The following SLC6A13 variants were observed in gnomAD, a reference collection of about 807,000 sequenced individuals.
SLC6A13 encodes sodium- and chloride-dependent GABA transporter 2.
A neutral mutation model predicts 72.9 loss-of-function variants in SLC6A13; 69 were observed. The observed-to-expected ratio is 0.95, with a 90% CI of 0.78 to 1.16. The LOEUF (loss-of-function observed/expected upper bound fraction) is 1.16. Ranked by LOEUF, SLC6A13 falls within the 50% of genes most tolerant of loss-of-function variation. The pLI is 0.00. For missense variants in SLC6A13, 735 were observed against 760.5 expected (o/e 0.97, Z 0.39); for synonymous variants, 303 against 303.0 (o/e 1.00, Z 0.00).
At chr12:237,046 G>C in intron 6 of SLC6A13, 112 bp downstream of exon 6, 1 of 1,177,998 alleles carries the variant, frequency 8.5e-7, no homozygotes, top group East Asian at 2.3e-5. Context: ...ATCCTCGCTG[G>C]GTCATCGCCT....
At position 237,145 on chromosome 12, in the gene SLC6A13, T is replaced by C; in HGVS notation, c.696+13A>G. The C allele has an allele frequency of 6.2e-7, 1 of 1,613,512 alleles. No homozygotes were observed. The highest frequency in any genetic ancestry group is 2.2e-5 in the East Asian group (1 of 44,844). On this transcript the variant is annotated intron_variant, in intron 6 of 14. Coordinates refer to ENST00000343164, the MANE Select transcript of SLC6A13 (RefSeq NM_016615.5). ...GTCCGGGAATGGGAGGGGCAGGAGC[T>C]CCCCACACGAACCTTGCCTGTGGAC...
In SLC6A13 at chr12:237,178, C is replaced by T. The variant is rs753868127; in HGVS notation, c.676G>A (p.Gly226Arg). The change falls in exon 6 of 15, where the codon GGG (glycine) becomes AGG (arginine). Residue 226 changes from glycine (G) to arginine (R), a missense_variant. Coordinates refer to ENST00000343164, the MANE Select transcript of SLC6A13 (RefSeq NM_016615.5). ...WVICYFCIWKGVKSTGKVVYF... is the reference protein window; with the variant it reads ...WVICYFCIWKRVKSTGKVVYF... ...CGAACCTTGCCTGTGGACTTCACCC[C>T]CTTCCAGATGCAGAAGTAGCAGATG... 2 of 1,613,984 alleles carry T rather than the reference C, an allele frequency of 1.2e-6. No individual in the cohort carries two copies. Among genetic ancestry groups the T allele is most frequent in the Non-Finnish European group, 1.7e-6 (2 of 1,179,992 alleles).
chr12:223,080 A>G (rs1345578238), intron 12 of SLC6A13, 52 bp downstream of exon 12: 8 of 1,153,228 alleles, frequency 6.9e-6, no homozygotes, highest in Non-Finnish European at 1.0e-5. Flanking sequence ...TAAGGACCCC[A>G]AGACCCTTAG....
intron 7 of SLC6A13, among the ~76,000 whole-genome samples, chr12:227,926 C>T (rs1436739139): frequency 6.6e-6 from 1 of 152,122 alleles, no homozygotes; most frequent in East Asian, 1.9e-4. Context: ...ACTAAAAGAC[C>T]CATGGTGGAA....
At chr12:235,252 A>T (rs1424669012) in intron 6 of SLC6A13, 28 bp from the exon 7 acceptor site, 2 of 1,613,722 alleles carry the variant, frequency 1.2e-6, no homozygotes, top group Admixed American at 3.3e-5. Flanking sequence ...AGAGACAAGG[A>T]GCTTGTGAGT....
At chr12:224,942 CG>C (rs1941378890) in intron 9 of SLC6A13, among the ~76,000 whole-genome samples, 1 of 152,118 alleles carries the variant, frequency 6.6e-6, no homozygotes, top group Non-Finnish European at 1.5e-5. Context: ...CAGCTCCTCG[CG>C]ATGTTCCGTT....
intron 2 of SLC6A13, among the ~76,000 whole-genome samples, chr12:245,988 G>A (rs1338947521): frequency 6.6e-6 from 1 of 150,816 alleles, no homozygotes; most frequent in African/African-American, 2.4e-5. Flanking sequence ...TGTGGTGGTG[G>A]GTGCCTATAG....
chr12:239,712 G>T (rs1942096054), intron 4 of SLC6A13, among the ~76,000 whole-genome samples: 2 of 152,190 alleles, frequency 1.3e-5, no homozygotes, highest in Admixed American at 1.3e-4. Flanking sequence ...CATATTTCTG[G>T]TGCTCAGAAC....
intron 7 of SLC6A13, 116 bp downstream of exon 7, chr12:234,974 A>T: frequency 8.5e-7 from 1 of 1,174,640 alleles, no homozygotes. Flanking sequence ...CTCTGCTGCC[A>T]CTGTGGACAC....
chr12:254,915 G>A lies in SLC6A13; in HGVS notation c.202+4936C>T, dbSNP rs1207225755. On this transcript the variant is annotated intron_variant, in intron 2 of 14. Transcript: ENST00000343164. This position sits in a 1 kb window ranked among gnomAD's most constrained non-coding sequence, Gnocchi z 4.4. ...TAATCCCAGCACTTTGGGAGGCCGA[G>A]GCAGGCAGATCACTTGAGACCAGGA... Among the ~76,000 whole-genome samples, 1 of 152,178 alleles carries A rather than the reference G, an allele frequency of 6.6e-6. No individual in the cohort carries two copies. Among genetic ancestry groups the A allele is most frequent in the Non-Finnish European group, 1.5e-5 (1 of 68,040 alleles).
chr12:234,867 A>G (rs1208702615), intron 7 of SLC6A13, among the ~76,000 whole-genome samples: 4 of 151,986 alleles, frequency 2.6e-5, no homozygotes, highest in Admixed American at 6.6e-5. Flanking sequence ...ACTCCCCCCA[A>G]ATTCCTTCTT....
intron 1 of SLC6A13, among the ~76,000 whole-genome samples, chr12:260,289 A>C (rs1942885656): frequency 1.3e-5 from 2 of 152,246 alleles, no homozygotes. Flanking sequence ...TGGTACTGAC[A>C]GACAGCCTTT....
At chr12:229,600 G>A (rs554772161) in intron 7 of SLC6A13, among the ~76,000 whole-genome samples, 15 of 152,350 alleles carry the variant, frequency 9.8e-5, no homozygotes, top group African/African-American at 2.9e-4. Context: ...ACCAATGCAC[G>A]TCTCCTGGGA....
At chr12:232,838 C>G (rs11615492) in intron 7 of SLC6A13, among the ~76,000 whole-genome samples, 1 of 152,160 alleles carries the variant, frequency 6.6e-6, no homozygotes, top group East Asian at 1.9e-4. Flanking sequence ...AGCGTCCCAG[C>G]AGAGCTCAGG....
chr12:246,132 A>AAAATAAATGAATGAATAAATAAATAAAT (rs374765064), intron 2 of SLC6A13, among the ~76,000 whole-genome samples: 1 of 146,902 alleles, frequency 6.8e-6, no homozygotes, highest in Non-Finnish European at 1.5e-5. Flanking sequence ...AATAAAAGTA[A>AAAATAAATGAATGAATAAATAAATAAAT]AAATAAATAA....
In SLC6A13 at chr12:220,847, C is replaced by G; in HGVS notation, c.*101G>C. 1 of 1,467,732 alleles carries G rather than the reference C, an allele frequency of 6.8e-7. No homozygotes were observed. The highest frequency in any genetic ancestry group is 9.3e-7 in the Non-Finnish European group (1 of 1,080,286). 90.9% of individuals were successfully genotyped at this position (1,467,732 alleles called of 1,614,324 possible). ...AAATACCCCTCTTGTCTTATCCACT[C>G]CAGGTCGGGGGCAGGGAAGCACATG... On this transcript the variant is annotated 3_prime_UTR_variant, in exon 15 of 15. Coordinates refer to ENST00000343164, the MANE Select transcript of SLC6A13 (RefSeq NM_016615.5).
intron 9 of SLC6A13, among the ~76,000 whole-genome samples, chr12:225,154 C>T (rs565377932): frequency 6.6e-5 from 10 of 152,356 alleles, no homozygotes; most frequent in South Asian, 2.1e-4. Context: ...AAAACATGCA[C>T]GTAATAAAGC....
chr12:230,215 G>C (rs1454232239), intron 7 of SLC6A13, among the ~76,000 whole-genome samples: 1 of 152,122 alleles, frequency 6.6e-6, no homozygotes, highest in African/African-American at 2.4e-5. Flanking sequence ...GGCCGACCAA[G>C]GGAAAAATAA....
At chr12:223,707 C>T in intron 11 of SLC6A13, 1 of 402,690 alleles carries the variant, frequency 2.5e-6, no homozygotes, top group Non-Finnish European at 4.6e-6. Flanking sequence ...CCAGATCTTG[C>T]TGGAGAGTCA....
Sources: gnomAD v4.1 joint callset for allele counts (sites outside exome capture counted in the v4.1 genomes callset) on GRCh38, gnomAD v4.1.1 for gene constraint, Gnocchi (gnomAD v3.1) non-coding constraint, MANE v1.5 for transcripts, NCBI Gene and HGNC (gene_info 2026-07-23, HGNC 2026-07-21) for gene names.